Variants in CMPK2 observed in about 807,000 individuals in gnomAD.
CMPK2 encodes the protein cytidine/uridine monophosphate kinase 2.
In CMPK2, 32 loss-of-function variants were observed where a neutral mutation model predicts 33.4. The ratio of observed to expected loss-of-function variants is 0.96; its 90% CI spans 0.72 to 1.29. The LOEUF is 1.29. Among genes scored for constraint, CMPK2 ranks in the 50% most tolerant of loss-of-function variants. The pLI is 0.00. For synonymous variants in CMPK2, 299 were observed against 275.3 expected, an observed-to-expected ratio of 1.09 and a Z score of -0.85; for missense variants, 672 against 616.0, an observed-to-expected ratio of 1.09 and a Z score of -0.96.
At chr2:6,862,132 C>G (rs1455539512) in intron 2 of CMPK2, 1 of 152,248 alleles carries the variant, frequency 6.6e-6, no homozygotes, top group Non-Finnish European at 1.5e-5. Context: ...TTAAGTTTCT[C>G]TATCACACAC....
At chr2:6,854,802 C>T (rs555014369) in intron 3 of CMPK2, among the ~76,000 whole-genome samples, 6 of 152,038 alleles carry the variant, frequency 3.9e-5, no homozygotes, top group Non-Finnish European at 7.4e-5. Context: ...CACACACATC[C>T]ACTCACTGAA....
In CMPK2 at chr2:6,865,843, C is replaced by T; in HGVS notation, c.-147G>A. ...TTGCGGGGAAACGAAAGCCGGAGGC[C>T]CAGGCGGGGCAGGAGCCCTGGGGCT... On this transcript the variant is annotated 5_prime_UTR_variant, in exon 1 of 5. Transcript: ENST00000256722. 1 of 1,288,840 alleles carries T rather than the reference C, an allele frequency of 7.8e-7. No homozygotes were observed. Among genetic ancestry groups the T allele is most frequent in the Non-Finnish European group, 9.8e-7 (1 of 1,018,634 alleles). 79.8% of individuals were successfully genotyped at this position (1,288,840 alleles called of 1,614,324 possible). A position where few individuals can be genotyped will look rare whatever the true frequency, so the allele number is the denominator to read the frequency against.
intron 3 of CMPK2, among the ~76,000 whole-genome samples, chr2:6,856,921 T>C (rs939662831): frequency 2.6e-5 from 4 of 152,262 alleles, no homozygotes; most frequent in African/African-American, 7.2e-5. Context: ...TGATGGGCTT[T>C]AGGTTTTTCA....
In CMPK2 at chr2:6,849,472, C is replaced by T. The variant is rs1004390709; in HGVS notation, c.*378G>A. The T allele has an allele frequency of 5.9e-5, 60 of 1,022,096 alleles. No individual in the cohort carries two copies. In the African/African-American group the frequency reaches 1.0e-3, roughly 17 times the overall value. The allele number at this position is 1,022,096 out of a possible 1,614,324, so 63.3% of individuals were successfully genotyped here. On this transcript the variant is annotated 3_prime_UTR_variant, in exon 5 of 5. Transcript: ENST00000256722. Reference sequence around the variant, plus strand: ...CATGCCAGTGTAGGAGAAGCAGAGGCTCCGGGGTCTCCCTGCTGATCTGGA... The same window carrying T: ...CATGCCAGTGTAGGAGAAGCAGAGGTTCCGGGGTCTCCCTGCTGATCTGGA...
chr2:6,851,788 G>A lies in CMPK2; in HGVS notation c.993-105C>T. ...TGAAACCAGGGTTGGCTCTACAGAAGTTTTTCTAGTATTGCATAAGTTAAA... is the reference window on the plus strand; with the variant it reads ...TGAAACCAGGGTTGGCTCTACAGAAATTTTTCTAGTATTGCATAAGTTAAA... On this transcript the variant is annotated intron_variant, in intron 3 of 4. Transcript: ENST00000256722. 3.3e-6 allele frequency: 3 copies of A among 903,166 alleles called. No individual in the cohort carries two copies. In the South Asian group the frequency reaches 5.1e-5, roughly 15 times the overall value. The allele number at this position is 903,166 out of a possible 1,614,324, so 55.9% of individuals were successfully genotyped here.
intron 2 of CMPK2, 24 bp downstream of exon 2, chr2:6,863,440 A>G: frequency 6.3e-7 from 1 of 1,583,068 alleles, no homozygotes; most frequent in Non-Finnish European, 8.7e-7. Context: ...CATTGCCTAT[A>G]ACTAAAAGGT....
chr2:6,856,399 G>T (rs1662705105), intron 3 of CMPK2, among the ~76,000 whole-genome samples: 1 of 152,166 alleles, frequency 6.6e-6, no homozygotes, highest in South Asian at 2.1e-4. Flanking sequence ...GCAGTGACTG[G>T]GTGGGGGCAG....
At position 6,848,365 on chromosome 2, in the gene CMPK2, A is replaced by ATACATTAAT; in HGVS notation, c.*1476_*1484dup. ...TTATTCATGTGCCAGGGACATAAAG[A>ATACATTAAT]TACATTAATTGTTTGTTTTTCTAGG... On this transcript the variant is annotated 3_prime_UTR_variant, in exon 5 of 5. Coordinates refer to ENST00000256722, the MANE Select transcript of CMPK2 (RefSeq NM_207315.4). The ATACATTAAT allele has an allele frequency of 1.0e-6, 1 of 985,308 alleles. No homozygotes were observed. The highest frequency in any genetic ancestry group is 4.7e-5 in the South Asian group (1 of 21,280). 61.0% of individuals were successfully genotyped at this position (985,308 alleles called of 1,614,324 possible).
chr2:6,861,868 T>TTTGGGC (rs1662892950), intron 2 of CMPK2: 1 of 162,616 alleles, frequency 6.1e-6, no homozygotes, highest in Non-Finnish European at 1.3e-5. Flanking sequence ...TGCTTGCCCC[T>TTTGGGC]TTGGGCTTGG....
Position 6,862,796 on chromosome 2 carries a change from G to C in CMPK2, c.790+668C>G, listed in dbSNP as rs896180194. Among the ~76,000 whole-genome samples the C allele has an allele frequency of 2.6e-5, 4 of 152,306 alleles. No homozygotes were observed. In the East Asian group the frequency reaches 7.7e-4, roughly 29 times the overall value. ...GAAATTGCCTTTTATATTATTAAAAGTCTGTACCCCTCAAGTTTACACAGG... is the reference window on the plus strand; with the variant it reads ...GAAATTGCCTTTTATATTATTAAAACTCTGTACCCCTCAAGTTTACACAGG... On this transcript the variant is annotated intron_variant, in intron 2 of 4. Transcript: ENST00000256722.
downstream of CMPK2, among the ~76,000 whole-genome samples, chr2:6,844,156 C>T (rs998889711): frequency 6.6e-6 from 1 of 152,140 alleles, no homozygotes; most frequent in Non-Finnish European, 1.5e-5. Flanking sequence ...TTAGCAAATG[C>T]ACCTGGGGGA....
chr2:6,850,908 C>CA (rs1662501001), intron 4 of CMPK2: 1 of 992,144 alleles, frequency 1.0e-6, no homozygotes, highest in African/African-American at 1.7e-5. Flanking sequence ...CTAATTAAAA[C>CA]AAAAACACTG....
intron 3 of CMPK2, 103 bp downstream of exon 3, chr2:6,861,081 T>C: frequency 1.0e-6 from 1 of 972,824 alleles, no homozygotes; most frequent in Non-Finnish European, 1.6e-6. Context: ...TCCTGGCATA[T>C]ACATGTACGT....
At chr2:6,852,806 C>T (rs1293407222) in intron 3 of CMPK2, among the ~76,000 whole-genome samples, 3 of 152,184 alleles carry the variant, frequency 2.0e-5, no homozygotes, top group Non-Finnish European at 4.4e-5. Context: ...TTCATGCCAT[C>T]TTCCAATTTT....
At position 6,865,541 on chromosome 2, in the gene CMPK2, G is replaced by A. The variant is rs1235933112; in HGVS notation, c.156C>T (p.Pro52=). ...GGGGGTCGGGGGCGTCTGCGTCGCC[G>A]GGGGCGTCGGCGCCTAGGGCGAAGT... The part of the protein sequence containing the change: ...LAHFALGADA[P]GDADAPDPRL... Residue 52 remains proline (P), a synonymous_variant, in exon 1 of 5, where the codon CCC becomes CCT. Coordinates refer to ENST00000256722, the MANE Select transcript of CMPK2 (RefSeq NM_207315.4). 2.3e-6 allele frequency: 3 copies of A among 1,302,084 alleles called. No homozygotes were observed. The highest frequency in any genetic ancestry group is 2.9e-6 in the Non-Finnish European group (3 of 1,030,530). The allele number at this position is 1,302,084 out of a possible 1,614,324, so 80.7% of individuals were successfully genotyped here. A position where few individuals can be genotyped will look rare whatever the true frequency, so the allele number is the denominator to read the frequency against.
chr2:6,848,956 T>C lies in CMPK2; in HGVS notation c.*894A>G. ...GAAAATACACAACAAACATTGCATT[T>C]AGCGTTTTGACTCCACTTTTAATTA... On this transcript the variant is annotated 3_prime_UTR_variant, in exon 5 of 5. Transcript: ENST00000256722. 1.0e-6 allele frequency: 1 copy of C among 985,850 alleles called. No homozygotes were observed. The allele number at this position is 985,850 out of a possible 1,614,324, so 61.1% of individuals were successfully genotyped here. A position where few individuals can be genotyped will look rare whatever the true frequency, so the allele number is the denominator to read the frequency against.
chr2:6,843,603 T>C (rs1662282501), downstream of CMPK2, among the ~76,000 whole-genome samples: 1 of 152,080 alleles, frequency 6.6e-6, no homozygotes, highest in African/African-American at 2.4e-5. Context: ...CTAATATTGA[T>C]TTCTACTAAG....
At chr2:6,866,341 C>T (rs182085620), upstream of CMPK2, 8 of 720,644 alleles carry the variant, frequency 1.1e-5, no homozygotes, top group Admixed American at 1.3e-4. Flanking sequence ...GAACAGGGCG[C>T]AGTTCTGGCT....
intron 3 of CMPK2, among the ~76,000 whole-genome samples, chr2:6,857,878 G>A (rs1034047459): frequency 6.7e-5 from 10 of 149,782 alleles, no homozygotes; most frequent in South Asian, 2.1e-4. Context: ...CTCATGATCC[G>A]CCCACCTCAG....
Sources: allele counts gnomAD v4.1 joint callset (sites outside exome capture counted in the v4.1 genomes callset), GRCh38; gene constraint gnomAD v4.1.1; transcripts MANE v1.5; gene names NCBI Gene and HGNC (gene_info 2026-07-23, HGNC 2026-07-21).